Variants in ARHGAP20 observed in about 807,000 individuals in gnomAD.
The protein encoded by ARHGAP20 is rho GTPase-activating protein 20.
Under a neutral mutation model 73.7 loss-of-function variants are expected in ARHGAP20, and 34 were observed. That is an observed-to-expected ratio of 0.46 (90% CI 0.35 to 0.61). The LOEUF is 0.61. ARHGAP20 is among the 20% of genes least tolerant of loss of function. The pLI is 0.00. For missense variants in ARHGAP20, 1,314 were observed against 1,420.9 expected, an observed-to-expected ratio of 0.92 and a Z score of 1.21; for synonymous variants, 523 against 518.2, an observed-to-expected ratio of 1.01 and a Z score of -0.13.
chr11:110,649,201 CTT>C (rs869156175), intron 2 of ARHGAP20, among the ~76,000 whole-genome samples: 3,169 of 87,000 alleles, frequency 0.036, 47 homozygotes, highest in African/African-American at 0.12. Context: ...ATTATTAAAC[CTT>C]TTTTTTTTTT....
chr11:110,711,692 A>G (rs1250442380), intron 1 of ARHGAP20: 1 of 1,449,544 alleles, frequency 6.9e-7, no homozygotes, highest in East Asian at 2.9e-5. Context: ...CCGGGCAGAC[A>G]TCGCCGGCCC....
At chr11:110,635,760 ACAAAGAAAAGGCCTACATTCAC>A (rs1948953908) in intron 2 of ARHGAP20, among the ~76,000 whole-genome samples, 1 of 152,074 alleles carries the variant, frequency 6.6e-6, no homozygotes, top group African/African-American at 2.4e-5. Context: ...TAAGCAGAGA[ACAAAGAAAAGGCCTACATTCAC>A]CATCACAGAA....
chr11:110,703,533 A>T (rs1022283365), intron 1 of ARHGAP20, among the ~76,000 whole-genome samples: 1 of 151,892 alleles, frequency 6.6e-6, no homozygotes, highest in African/African-American at 2.4e-5. Context: ...ATATATATTC[A>T]TTCATATATA....
chr11:110,685,256 C>T (rs185232227), intron 2 of ARHGAP20, among the ~76,000 whole-genome samples: 1 of 151,952 alleles, frequency 6.6e-6, no homozygotes, highest in East Asian at 1.9e-4. Context: ...AAAACTAAAC[C>T]CTTTAACATA....
At chr11:110,645,391 G>C (rs541251630) in intron 2 of ARHGAP20, among the ~76,000 whole-genome samples, 1 of 152,200 alleles carries the variant, frequency 6.6e-6, no homozygotes, top group South Asian at 2.1e-4. Context: ...ACTTGTCAGA[G>C]ACATGCAAAT....
At chr11:110,624,099 T>A (rs927934885) in intron 4 of ARHGAP20, 63 bp downstream of exon 4, 1 of 1,544,678 alleles carries the variant, frequency 6.5e-7, no homozygotes, top group Non-Finnish European at 8.7e-7. Context: ...TTTTAAAATT[T>A]CAATCCTAGA....
At chr11:110,702,021 C>A (rs945291701) in intron 1 of ARHGAP20, among the ~76,000 whole-genome samples, 5 of 152,104 alleles carry the variant, frequency 3.3e-5, no homozygotes, top group Admixed American at 2.0e-4. Flanking sequence ...TAATGTGATG[C>A]CTCCAGCTTT....
At chr11:110,687,055 TAGACACACACACAC>T (rs1950149318) in intron 2 of ARHGAP20, among the ~76,000 whole-genome samples, 12 of 113,466 alleles carry the variant, frequency 1.1e-4, no homozygotes, top group South Asian at 3.1e-4. Flanking sequence ...TATATATATA[TAGACACACACACAC>T]ACACACACAT....
chr11:110,630,718 A>G lies in ARHGAP20; in HGVS notation c.263T>C (p.Ile88Thr), dbSNP rs1948842565. The G allele has an allele frequency of 1.1e-5, 18 of 1,614,028 alleles. No individual in the cohort carries two copies. The highest frequency in any genetic ancestry group is 2.2e-5 in the South Asian group (2 of 91,080). ...TCTTTTGAGTTCTGCCCGGCCATCAATCAGCAGAGTCCTATTGGAGCACAC... is the reference window on the plus strand; with the variant it reads ...TCTTTTGAGTTCTGCCCGGCCATCAGTCAGCAGAGTCCTATTGGAGCACAC... ...SLVCSNRTLL[I>T]DGRAELKRGL... The change falls in exon 3 of 15, where the codon ATT (isoleucine) becomes ACT (threonine). Residue 88 changes from isoleucine to threonine, a missense_variant. Physicochemically the swap from Ile to Thr is moderately conservative, Grantham distance 89 (BLOSUM62 -1). This residue lies in a region of ARHGAP20 where 443 missense variants were observed against 466.4 expected (regional missense o/e 0.95). Transcript: ENST00000683387.
intron 2 of ARHGAP20, among the ~76,000 whole-genome samples, chr11:110,665,107 G>C (rs982650975): frequency 1.3e-5 from 2 of 152,060 alleles, no homozygotes; most frequent in African/African-American, 4.8e-5. Flanking sequence ...GTATAAAAAA[G>C]AAATCATGGG....
intron 9 of ARHGAP20, among the ~76,000 whole-genome samples, chr11:110,595,042 C>T (rs1351628117): frequency 1.3e-5 from 2 of 151,358 alleles, no homozygotes; most frequent in Non-Finnish European, 2.9e-5. Context: ...AAGACAAAAA[C>T]CACATGATTA....
Position 110,578,971 on chromosome 11 carries a change from T to C in ARHGAP20, c.*399A>G, listed in dbSNP as rs1042161513. 1.0e-6 allele frequency: 1 copy of C among 988,734 alleles called. No individual in the cohort carries two copies. The highest frequency in any genetic ancestry group is 1.7e-5 in the African/African-American group (1 of 57,424). 61.2% of individuals were successfully genotyped at this position (988,734 alleles called of 1,614,324 possible). A position where few individuals can be genotyped will look rare whatever the true frequency, so the allele number is the denominator to read the frequency against. ...AAAACATTCCATGGAATGTAGATGG[T>C]TTCTCTGTACCCTTCCCCTCTCTCC... On this transcript the variant is annotated 3_prime_UTR_variant, in exon 15 of 15. Transcript: ENST00000683387.
At chr11:110,628,227 T>C (rs893063318) in intron 3 of ARHGAP20, among the ~76,000 whole-genome samples, 1 of 152,180 alleles carries the variant, frequency 6.6e-6, no homozygotes, top group Non-Finnish European at 1.5e-5. Flanking sequence ...TAAGGTCCCC[T>C]CCTTGTCTCC....
intron 2 of ARHGAP20, among the ~76,000 whole-genome samples, chr11:110,648,163 AT>A (rs1949240515): frequency 1.3e-5 from 1 of 78,100 alleles, no homozygotes; most frequent in African/African-American, 4.4e-5. Context: ...TAATATATAT[AT>A]ATATGTAAAT....
At chr11:110,700,708 T>C (rs1950429419) in intron 1 of ARHGAP20, among the ~76,000 whole-genome samples, 1 of 151,162 alleles carries the variant, frequency 6.6e-6, no homozygotes, top group African/African-American at 2.4e-5. Context: ...CATCTAGCAT[T>C]AGGTATATCT....
At chr11:110,652,367 G>C (rs1031145557) in intron 2 of ARHGAP20, among the ~76,000 whole-genome samples, 1 of 152,130 alleles carries the variant, frequency 6.6e-6, no homozygotes, top group Non-Finnish European at 1.5e-5. Context: ...ATTCAACATA[G>C]TATCGGAAGT....
chr11:110,712,244 C>T lies in ARHGAP20; in HGVS notation c.-13G>A. ...ACATCGCTTCCATGAAGAAAATCTT[C>T]AAACAAATCCCAGCCCAGGAGGAGG... On this transcript the variant is annotated 5_prime_UTR_variant, in exon 1 of 15. Coordinates refer to ENST00000683387, the MANE Select transcript of ARHGAP20 (RefSeq NM_001384657.1). 1 of 1,332,012 alleles carries T rather than the reference C, an allele frequency of 7.5e-7. No individual in the cohort carries two copies. The highest frequency in any genetic ancestry group is 9.7e-7 in the Non-Finnish European group (1 of 1,032,412). 82.5% of individuals were successfully genotyped at this position (1,332,012 alleles called of 1,614,324 possible). A position where few individuals can be genotyped will look rare whatever the true frequency, so the allele number is the denominator to read the frequency against.
rs770066954 is a variant in ARHGAP20, at chr11:110,611,348, A to C, written c.669T>G (p.Asn223Lys). 3.2e-6 allele frequency: 5 copies of C among 1,570,364 alleles called. No homozygotes were observed. In the South Asian group the frequency reaches 5.9e-5, roughly 19 times the overall value. ...TTGGTAATGACATGTTGATAACTTC[A>C]TTCGCTGTATCTGAATTCATTACTG... ...TITVMNSDTA[N>K]EVINMSLPML... The change falls in exon 7 of 15, where the codon AAT becomes AAG. Residue 223 changes from asparagine to lysine, a missense_variant. Coordinates refer to ENST00000683387, the MANE Select transcript of ARHGAP20 (RefSeq NM_001384657.1).
chr11:110,591,404 A>T (rs1177540701), intron 10 of ARHGAP20, among the ~76,000 whole-genome samples: 1 of 152,246 alleles, frequency 6.6e-6, no homozygotes, highest in Non-Finnish European at 1.5e-5. Context: ...TTATAGATGC[A>T]TAATATAGTA....
Sources: gnomAD v4.1 joint callset for allele counts (sites outside exome capture counted in the v4.1 genomes callset) on GRCh38, gnomAD v4.1.1 for gene constraint, gnomAD v4.1.1 regional missense constraint, MANE v1.5 for transcripts, NCBI Gene and HGNC (gene_info 2026-07-23, HGNC 2026-07-21) for gene names.